MYO18B: variants seen among roughly 807,000 people sequenced by gnomAD.
The protein encoded by MYO18B is myosin XVIIIB.
Under a neutral mutation model 273.0 loss-of-function variants are expected in MYO18B, and 204 were observed. The ratio of observed to expected loss-of-function variants is 0.75; its 90% CI spans 0.67 to 0.84. The LOEUF is 0.84. MYO18B is among the 40% of genes least tolerant of loss of function. The probability of loss-of-function intolerance (pLI) is 0.00; values close to 1 mark genes in which losing one functional copy is unlikely to be tolerated. For synonymous variants in MYO18B, 1,330 were observed against 1,305.7 expected, an observed-to-expected ratio of 1.02 and a Z score of -0.40; for missense variants, 3,212 against 3,287.6, an observed-to-expected ratio of 0.98 and a Z score of 0.56.
chr22:25,825,367 T>G (rs758172415), intron 13 of MYO18B, among the ~76,000 whole-genome samples: 20 of 152,142 alleles, frequency 1.3e-4, no homozygotes, highest in Non-Finnish European at 2.1e-4. Flanking sequence ...GCAGAATTAC[T>G]CCTCCAGGCA....
At chr22:26,055,419 T>A in the MYO18B span, among the ~76,000 whole-genome samples, 3 of 152,344 alleles carry the variant, frequency 2.0e-5, no homozygotes, top group Admixed American at 6.5e-5. Context: ...GCCTGTCTAC[T>A]CTAATCCGGT....
intron 15 of MYO18B, among the ~76,000 whole-genome samples, chr22:25,831,413 G>C (rs765230110): frequency 6.6e-6 from 1 of 152,024 alleles, no homozygotes; most frequent in Admixed American, 6.6e-5. Context: ...ATGGAGGTTC[G>C]CTCTTGTCGC....
chr22:25,890,372 A>T (rs1295414874), intron 25 of MYO18B, among the ~76,000 whole-genome samples: 1 of 152,214 alleles, frequency 6.6e-6, no homozygotes, highest in Non-Finnish European at 1.5e-5. Flanking sequence ...GATTTGCTAA[A>T]AGCTGGTTAC....
Position 25,891,308 on chromosome 22 carries a change from A to G in MYO18B, c.4439A>G (p.Lys1480Arg). The G allele has an allele frequency of 2.6e-6, 4 of 1,566,366 alleles. No homozygotes were observed. Among genetic ancestry groups the G allele is most frequent in the Non-Finnish European group, 3.5e-6 (4 of 1,154,452 alleles). Residue 1480 changes from lysine to arginine, a missense_variant, in exon 27 of 44, where the codon AAG (lysine) becomes AGG (arginine). Physicochemically the swap from Lys to Arg is conservative, Grantham distance 26. Coordinates refer to ENST00000335473, the MANE Select transcript of MYO18B (RefSeq NM_032608.7). ...ACCTTGAGCCCTTTCTTCTAGAGCA[A>G]GCATGAACAAGTCCAGAAAAAACTG... is the stretch of plus-strand genomic sequence containing the variant. ...AFREVQELKSKHEQVQKKLGD... is the reference protein window; with the variant it reads ...AFREVQELKSRHEQVQKKLGD...
chr22:25,900,902 T>C (rs1293359655), intron 29 of MYO18B: 8 of 152,222 alleles, frequency 5.3e-5, no homozygotes, highest in Non-Finnish European at 1.5e-5. Flanking sequence ...TTTCTACCAC[T>C]TTGGAATTTG....
At chr22:26,002,886 A>T (rs1326456071) in intron 40 of MYO18B, among the ~76,000 whole-genome samples, 1 of 152,154 alleles carries the variant, frequency 6.6e-6, no homozygotes, top group Non-Finnish European at 1.5e-5. Context: ...ATTTGCTAGC[A>T]CTCACAAAGA....
rs1299643161 is a variant in MYO18B at position 25,768,229 on chromosome 22, C to T, written c.313C>T (p.Leu105=). The stretch of plus-strand genomic sequence containing the variant: ...AAGCTCTCCTGGGAGCTCAGACATT[C>T]TGGGCAAGGAGAGCGAGGGGTCCCG... ...QSSSPGSSDI[L]GKESEGSRSP... Residue 105 remains leucine (L), a synonymous_variant, in exon 4 of 44, where the codon CTG becomes TTG. Transcript: ENST00000335473. 3 of 1,614,028 alleles carry T rather than the reference C, an allele frequency of 1.9e-6. No homozygotes were observed. In the East Asian group the frequency reaches 6.7e-5, roughly 36 times the overall value.
At chr22:25,886,976 C>G (rs889058488) in intron 25 of MYO18B, among the ~76,000 whole-genome samples, 5 of 152,202 alleles carry the variant, frequency 3.3e-5, no homozygotes, top group Admixed American at 3.3e-4. Flanking sequence ...CATACCTATC[C>G]TCAGCATTTC....
intron 43 of MYO18B, chr22:26,028,294 CCTA>C (rs941884861): frequency 3.3e-5 from 5 of 150,822 alleles, no homozygotes; most frequent in Non-Finnish European, 7.4e-5. Context: ...GTTACCTCAC[CCTA>C]CTGTCATTTT....
At chr22:26,006,840 C>G (rs5752253) in intron 42 of MYO18B, among the ~76,000 whole-genome samples, 12,526 of 152,170 alleles carry the variant, frequency 0.082, 1,359 homozygotes, top group African/African-American at 0.24. Flanking sequence ...TTTTTATCAG[C>G]AGCAGTAACT....
intron 12 of MYO18B, among the ~76,000 whole-genome samples, chr22:25,811,179 A>G (rs1305838109): frequency 7.8e-6 from 1 of 127,930 alleles, no homozygotes; most frequent in Non-Finnish European, 1.7e-5. Context: ...GTGCCCGGCT[A>G]TTTTTTTTTT....
At chr22:26,000,689 A>G (rs761245621) in intron 40 of MYO18B, among the ~76,000 whole-genome samples, 6 of 151,604 alleles carry the variant, frequency 4.0e-5, no homozygotes, top group Non-Finnish European at 7.4e-5. Context: ...AACGTGAGCT[A>G]TAGTTCCCAG....
At chr22:25,898,701 G>C (rs1346118742) in intron 29 of MYO18B, 2 of 478,938 alleles carry the variant, frequency 4.2e-6, no homozygotes, top group Non-Finnish European at 7.3e-6. Flanking sequence ...TGACCTTGGG[G>C]AACTTTCTTT....
At chr22:25,800,197 A>AG (rs1347821698) in intron 12 of MYO18B, among the ~76,000 whole-genome samples, 1 of 152,038 alleles carries the variant, frequency 6.6e-6, no homozygotes, top group Admixed American at 6.6e-5. Context: ...GGAGGTTAAG[A>AG]GGGGGTGAAG....
At position 25,891,378 on chromosome 22, in the gene MYO18B, G is replaced by C. The variant is rs2091657482; in HGVS notation, c.4509G>C (p.Gln1503His). 6.3e-7 allele frequency: 1 copy of C among 1,585,432 alleles called. No homozygotes were observed. The highest frequency in any genetic ancestry group is 8.6e-7 in the Non-Finnish European group (1 of 1,165,670). ...TGGAAGAAGCCCAGCAGAAAATTCA[G>C]TTGAATGACTTGGAAAGGAATCCCA... is the stretch of plus-strand genomic sequence containing the variant. ...KQLEEAQQKI[Q>H]LNDLERNPTG... The change falls in exon 27 of 44, where the codon CAG (glutamine) becomes CAC (histidine). Residue 1503 changes from glutamine (Q) to histidine (H), a missense_variant. Transcript: ENST00000335473.
chr22:25,860,435 G>A (rs567057438), intron 21 of MYO18B, among the ~76,000 whole-genome samples: 164 of 151,788 alleles, frequency 1.1e-3, no homozygotes, highest in African/African-American at 3.8e-3. Flanking sequence ...AAGGAATCTT[G>A]CTCAAATTAT....
chr22:25,886,063 C>T (rs541930875), intron 25 of MYO18B, among the ~76,000 whole-genome samples: 1 of 152,356 alleles, frequency 6.6e-6, no homozygotes, highest in East Asian at 1.9e-4. Context: ...CACCACCTGG[C>T]TGGTGTCCTT....
In MYO18B at chr22:25,934,993, G is replaced by A. The variant is rs558289279; in HGVS notation, c.5518-11144G>A. ...TCGTGTGGGTGTGTGCACACACGCG[G>A]TGTGTTTTCTTTTTAGCAAAATAAT... On this transcript the variant is annotated intron_variant, in intron 34 of 43. Transcript: ENST00000335473. 3.9e-5 allele frequency among the ~76,000 whole-genome samples: 6 copies of A among 152,268 alleles called. No homozygotes were observed. The South Asian group carries it at 1.2e-3, about 32-fold the overall frequency.
chr22:26,005,999 G>A (rs1219888329), intron 42 of MYO18B, among the ~76,000 whole-genome samples: 4 of 152,208 alleles, frequency 2.6e-5, no homozygotes, highest in Non-Finnish European at 4.4e-5. Context: ...ACAAAGGCCT[G>A]TATGAAGAAG....
Sources: allele counts gnomAD v4.1 joint callset (sites outside exome capture counted in the v4.1 genomes callset), GRCh38; gene constraint gnomAD v4.1.1; transcripts MANE v1.5; gene names NCBI Gene and HGNC (gene_info 2026-07-23, HGNC 2026-07-21).